The following GOLT1A variants were observed in gnomAD, a reference collection of about 807,000 sequenced individuals.
The protein encoded by GOLT1A is vesicle transport protein GOT1A.
In GOLT1A, 10 loss-of-function variants were observed where a neutral mutation model predicts 16.1. The observed-to-expected ratio is 0.62, with a 90% CI of 0.38 to 1.05. GOLT1A has a LOEUF of 1.05. GOLT1A is among the 50% of genes least tolerant of loss of function. The pLI is 0.01. For missense variants in GOLT1A, 137 were observed against 165.7 expected, an observed-to-expected ratio of 0.83 and a Z score of 0.95; for synonymous variants, 60 against 67.9, an observed-to-expected ratio of 0.88 and a Z score of 0.57.
intron 3 of GOLT1A, among the ~76,000 whole-genome samples, chr1:204,199,737 GT>G (rs1245243061): frequency 6.6e-6 from 1 of 152,146 alleles, no homozygotes; most frequent in Non-Finnish European, 1.5e-5. Flanking sequence ...CATGCTCACC[GT>G]TACACTCCCT....
At chr1:204,212,399 C>T (rs1475337114) in intron 1 of GOLT1A, among the ~76,000 whole-genome samples, 1 of 152,078 alleles carries the variant, frequency 6.6e-6, no homozygotes, top group African/African-American at 2.4e-5. Flanking sequence ...CTTTGGGAGG[C>T]TCAGGCAGGT....
chr1:204,205,122 T>A (rs1252850302), intron 1 of GOLT1A, among the ~76,000 whole-genome samples: 1 of 152,254 alleles, frequency 6.6e-6, no homozygotes, highest in Non-Finnish European at 1.5e-5. Context: ...CCTTTCAGTC[T>A]GTTGACTGTG....
At chr1:204,201,874 G>A (rs1292133972) in intron 2 of GOLT1A, 63 bp from the exon 3 acceptor site, 10 of 1,503,646 alleles carry the variant, frequency 6.7e-6, no homozygotes, top group Non-Finnish European at 9.1e-6. Context: ...GAGGGACTTA[G>A]GCCTGGAGCC....
chr1:204,198,863 C>T (rs1658905968), intron 4 of GOLT1A: 1 of 472,474 alleles, frequency 2.1e-6, no homozygotes, highest in African/African-American at 1.9e-5. Flanking sequence ...AGCCAGATCC[C>T]CAGAAATCTC....
chr1:204,200,197 A>G (rs1658929148), intron 3 of GOLT1A, among the ~76,000 whole-genome samples: 1 of 151,352 alleles, frequency 6.6e-6, no homozygotes, highest in Non-Finnish European at 1.5e-5. Context: ...CTCCTCATTC[A>G]GTGCCACATC....
rs2102333273 is a variant in GOLT1A, at chr1:204,198,260, A to G, written c.*198T>C. 1 of 575,660 alleles carries G rather than the reference A, an allele frequency of 1.7e-6. No homozygotes were observed. The highest frequency in any genetic ancestry group is 3.1e-6 in the Non-Finnish European group (1 of 327,200). 35.7% of individuals were successfully genotyped at this position (575,660 alleles called of 1,614,324 possible). ...CCAGCCCAGTCTCCTTGGGGTCTGC[A>G]TCTCTGCTTCCTGGCAGCCTCTTGA... On this transcript the variant is annotated 3_prime_UTR_variant, in exon 5 of 5. Transcript: ENST00000308302.
In GOLT1A at chr1:204,198,242, A is replaced by C; in HGVS notation, c.*216T>G. ...GAGGGTGTGATACCAGCCCCAGCCC[A>C]GTCTCCTTGGGGTCTGCATCTCTGC... On this transcript the variant is annotated 3_prime_UTR_variant, in exon 5 of 5. Coordinates refer to ENST00000308302, the MANE Select transcript of GOLT1A (RefSeq NM_198447.2). 1 of 557,774 alleles carries C rather than the reference A, an allele frequency of 1.8e-6. No homozygotes were observed. Among genetic ancestry groups the C allele is most frequent in the African/African-American group, 1.9e-5 (1 of 52,132 alleles). The allele number at this position is 557,774 out of a possible 1,614,324, so 34.6% of individuals were successfully genotyped here.
At chr1:204,201,248 A>C (rs554998263) in intron 3 of GOLT1A, among the ~76,000 whole-genome samples, 37 of 152,214 alleles carry the variant, frequency 2.4e-4, no homozygotes, top group Non-Finnish European at 4.9e-4. Context: ...CTTATCTATG[A>C]AGTAGAGGAT....
chr1:204,205,732 C>T (rs905181885), intron 1 of GOLT1A, among the ~76,000 whole-genome samples: 1 of 152,046 alleles, frequency 6.6e-6, no homozygotes, highest in African/African-American at 2.4e-5. Context: ...AATTCCAATA[C>T]AGAAAAAAGG....
chr1:204,210,953 T>C (rs1388200840), intron 1 of GOLT1A, among the ~76,000 whole-genome samples: 2 of 152,180 alleles, frequency 1.3e-5, no homozygotes, highest in East Asian at 3.9e-4. Context: ...TGAGTAAACA[T>C]GTCACCACCG....
intron 1 of GOLT1A, among the ~76,000 whole-genome samples, chr1:204,211,539 T>C (rs1269650407): frequency 2.0e-5 from 3 of 152,230 alleles, no homozygotes; most frequent in Non-Finnish European, 4.4e-5. Flanking sequence ...GGAAAGCTGG[T>C]CCACTCTCTT....
At chr1:204,208,362 ATG>A (rs57833360) in intron 1 of GOLT1A, among the ~76,000 whole-genome samples, 22,606 of 143,300 alleles carry the variant, frequency 0.16, 2,484 homozygotes, top group East Asian at 0.47. Context: ...GTATGTATAT[ATG>A]TGTGTATCTA....
At chr1:204,211,832 G>T (rs1190891451) in intron 1 of GOLT1A, among the ~76,000 whole-genome samples, 8 of 152,094 alleles carry the variant, frequency 5.3e-5, no homozygotes, top group Admixed American at 4.6e-4. Flanking sequence ...TGGAGTGGGG[G>T]TGCTACTGGC....
At position 204,209,075 on chromosome 1, in the gene GOLT1A, T is replaced by C. The variant is rs962206389; in HGVS notation, c.25+4807A>G. On this transcript the variant is annotated intron_variant, in intron 1 of 4. Coordinates refer to ENST00000308302, the MANE Select transcript of GOLT1A (RefSeq NM_198447.2). ...TTCTGTCTGGAACAGCTCCTTGGTC[T>C]TTCCTTGGCATGACCTTGACACTTT... Among the ~76,000 whole-genome samples, 12 of 152,360 alleles carry C rather than the reference T, an allele frequency of 7.9e-5. No homozygotes were observed. The South Asian group carries it at 1.0e-3, about 13-fold the overall frequency.
At chr1:204,210,933 T>C (rs1659127668) in intron 1 of GOLT1A, among the ~76,000 whole-genome samples, 1 of 152,164 alleles carries the variant, frequency 6.6e-6, no homozygotes, top group Non-Finnish European at 1.5e-5. Context: ...CTCCCTTGGT[T>C]GTCCTCAAAT....
At chr1:204,204,954 G>A (rs1199248115) in intron 1 of GOLT1A, among the ~76,000 whole-genome samples, 1 of 152,182 alleles carries the variant, frequency 6.6e-6, no homozygotes. Flanking sequence ...TGTTAGCTAT[G>A]TGTATATCTT....
chr1:204,209,329 C>A (rs1012203720), intron 1 of GOLT1A, among the ~76,000 whole-genome samples: 2 of 152,180 alleles, frequency 1.3e-5, no homozygotes, highest in Admixed American at 6.5e-5. Flanking sequence ...CCACCCCATC[C>A]CTGACCCTGC....
intron 2 of GOLT1A, 23 bp from the exon 3 acceptor site, chr1:204,201,834 T>G: frequency 6.2e-7 from 1 of 1,610,092 alleles, no homozygotes; most frequent in South Asian, 1.1e-5. Context: ...GAGGGGAGCA[T>G]GAAGCAAACC....
chr1:204,198,947 A>G, intron 4 of GOLT1A: 1 of 547,012 alleles, frequency 1.8e-6, no homozygotes, highest in South Asian at 2.4e-5. Context: ...AGCTATTCAT[A>G]GCTACCTGCC....
Sources: allele counts gnomAD v4.1 joint callset (sites outside exome capture counted in the v4.1 genomes callset), GRCh38; gene constraint gnomAD v4.1.1; transcripts MANE v1.5; gene names NCBI Gene and HGNC (gene_info 2026-07-23, HGNC 2026-07-21).